The following PGR variants were observed in gnomAD, a reference collection of about 807,000 sequenced individuals.
The protein encoded by PGR is nuclear receptor subfamily 3 group C member 3.
Under a neutral mutation model 76.1 loss-of-function variants are expected in PGR, and 25 were observed. The observed-to-expected ratio is 0.33, with a 90% confidence interval of 0.24 to 0.46. The LOEUF (loss-of-function observed/expected upper bound fraction) is 0.46, where lower values mean the gene tolerates loss of function less well. Among genes scored for constraint, PGR ranks in the 20% least tolerant of loss-of-function variants. The probability of loss-of-function intolerance (pLI) is 1.00; values close to 1 mark genes in which losing one functional copy is unlikely to be tolerated. For synonymous variants in PGR, 579 were observed against 535.0 expected (o/e 1.08, Z -1.14); for missense variants, 1,172 against 1,225.3 (o/e 0.96, Z 0.65).
rs1264962038 is a variant in PGR at position 101,036,921 on chromosome 11, C to G, written c.*2195G>C. On this transcript the variant is annotated 3_prime_UTR_variant, in exon 8 of 8. Coordinates refer to ENST00000325455, the MANE Select transcript of PGR (RefSeq NM_000926.4). ...AAATGATCACAACATCAACTGTTCCCTGAGTCCATCACTTAAGCATAAAGG... is the reference window on the plus strand; with the variant it reads ...AAATGATCACAACATCAACTGTTCCGTGAGTCCATCACTTAAGCATAAAGG... 5.0e-6 allele frequency: 1 copy of G among 201,034 alleles called. No homozygotes were observed. Among genetic ancestry groups the G allele is most frequent in the Non-Finnish European group, 1.0e-5 (1 of 97,584 alleles). The allele number at this position is 201,034 out of a possible 1,614,324, so 12.5% of individuals were successfully genotyped here.
chr11:101,056,586 G>A (rs1860300811), intron 4 of PGR, among the ~76,000 whole-genome samples: 1 of 146,210 alleles, frequency 6.8e-6, no homozygotes, highest in Non-Finnish European at 1.5e-5. Context: ...GCTGCCGTGA[G>A]CTACAATCAT....
intron 2 of PGR, among the ~76,000 whole-genome samples, chr11:101,101,904 G>A (rs769737490): frequency 2.0e-5 from 3 of 152,106 alleles, no homozygotes; most frequent in Admixed American, 6.6e-5. Flanking sequence ...GAAGCTCTTT[G>A]GGCTTGTAGC....
intron 3 of PGR, among the ~76,000 whole-genome samples, chr11:101,085,565 C>T (rs1404399525): frequency 7.8e-6 from 1 of 128,110 alleles, no homozygotes; most frequent in Non-Finnish European, 1.7e-5. Context: ...AACAAACTAT[C>T]CCTAAAGCTA....
chr11:101,056,906 G>T (rs1267332510), intron 4 of PGR, among the ~76,000 whole-genome samples: 1 of 152,156 alleles, frequency 6.6e-6, no homozygotes, highest in Non-Finnish European at 1.5e-5. Flanking sequence ...TATGTTTGAT[G>T]ATTTATGCTG....
chr11:101,096,263 G>C (rs1477017357), intron 2 of PGR, among the ~76,000 whole-genome samples: 1 of 152,144 alleles, frequency 6.6e-6, no homozygotes, highest in East Asian at 1.9e-4. Flanking sequence ...CCTGTGACAG[G>C]CTGGAATGGC....
intron 3 of PGR, among the ~76,000 whole-genome samples, chr11:101,074,374 TG>T (rs753722716): frequency 1.3e-5 from 2 of 152,166 alleles, no homozygotes; most frequent in African/African-American, 2.4e-5. Flanking sequence ...AATATCATAA[TG>T]AATAGGCAAA....
At position 101,030,120 on chromosome 11, in the gene PGR, T is replaced by C. The variant is rs779450723; in HGVS notation, c.*8996A>G. On this transcript the variant is annotated 3_prime_UTR_variant, in exon 8 of 8. Coordinates refer to ENST00000325455, the MANE Select transcript of PGR (RefSeq NM_000926.4). ...TCTTTAAAAGTATAACTCTGGACAATGTACTTAGGGACCTACTACTTACTC... is the reference window on the plus strand; with the variant it reads ...TCTTTAAAAGTATAACTCTGGACAACGTACTTAGGGACCTACTACTTACTC... The C allele has an allele frequency of 7.3e-5, 16 of 219,664 alleles. No homozygotes were observed. The highest frequency in any genetic ancestry group is 1.5e-4 in the Non-Finnish European group (16 of 109,612). The allele number at this position is 219,664 out of a possible 1,614,324, so 13.6% of individuals were successfully genotyped here. A position where few individuals can be genotyped will look rare whatever the true frequency, so the allele number is the denominator to read the frequency against.
At position 101,128,212 on chromosome 11, in the gene PGR, C is replaced by G. The variant is rs775608193; in HGVS notation, c.859G>C (p.Ala287Pro). The G allele has an allele frequency of 6.3e-7, 1 of 1,598,218 alleles. No homozygotes were observed. The highest frequency in any genetic ancestry group is 8.5e-7 in the Non-Finnish European group (1 of 1,179,398). ...APRVALVEQD[A>P]PMAPGRSPLA... ...GGGGAGCGCCCGGGCGCCATCGGCG[C>G]GTCCTGCTCCACCAGGGCGACCCTG... Residue 287 changes from alanine to proline, a missense_variant, in exon 1 of 8, where the codon GCG becomes CCG. Physicochemically the swap from Ala to Pro is conservative, Grantham distance 27 (BLOSUM62 -1). Around this residue, in one of 4 missense-constraint regions of PGR, gnomAD observed 893 missense variants for 785.9 expected, o/e 1.14. Transcript: ENST00000325455.
At position 101,035,740 on chromosome 11, in the gene PGR, A is replaced by AT. The variant is rs1389401427; in HGVS notation, c.*3375dup. 12 of 231,960 alleles carry AT rather than the reference A, an allele frequency of 5.2e-5. No individual in the cohort carries two copies. Among genetic ancestry groups the AT allele is most frequent in the Admixed American group, 1.7e-4 (3 of 17,738 alleles). The allele number at this position is 231,960 out of a possible 1,614,324, so 14.4% of individuals were successfully genotyped here. ...ACAGGCCCTAAACTCAAAACACTGT[A>AT]TTTTTTCAGCAGAAGAAATTACTTG... On this transcript the variant is annotated 3_prime_UTR_variant, in exon 8 of 8. Transcript: ENST00000325455.
At chr11:101,082,111 G>C (rs1192080504) in intron 3 of PGR, among the ~76,000 whole-genome samples, 3 of 150,922 alleles carry the variant, frequency 2.0e-5, no homozygotes, top group African/African-American at 7.3e-5. Flanking sequence ...AAAAGTGGTG[G>C]CACTTCCCCT....
At chr11:101,082,870 C>CAA (rs1376050345) in intron 3 of PGR, among the ~76,000 whole-genome samples, 1 of 151,950 alleles carries the variant, frequency 6.6e-6, no homozygotes, top group African/African-American at 2.4e-5. Context: ...AAGAGAGAGA[C>CAA]AAAAAAACAT....
At chr11:101,051,845 A>G (rs944057827) in intron 4 of PGR, among the ~76,000 whole-genome samples, 1 of 152,130 alleles carries the variant, frequency 6.6e-6, no homozygotes, top group Non-Finnish European at 1.5e-5. Flanking sequence ...TGCAACACCC[A>G]TTTAATAAGA....
intron 2 of PGR, 118 bp downstream of exon 2, chr11:101,125,889 T>G: frequency 1.1e-6 from 1 of 870,472 alleles, no homozygotes; most frequent in South Asian, 1.6e-5. Context: ...TATTTTAAAT[T>G]ATATGGAAAT....
chr11:101,070,612 G>A lies in PGR; in HGVS notation c.1907-7860C>T, dbSNP rs367590713. On this transcript the variant is annotated intron_variant, in intron 3 of 7. Transcript: ENST00000325455. ...GCTGCCAGCACAGCAGTGTGAAGTCGACCTGGGACGCTGGAGCATGGTGGT... is the reference window on the plus strand; with the variant it reads ...GCTGCCAGCACAGCAGTGTGAAGTCAACCTGGGACGCTGGAGCATGGTGGT... 4.6e-5 allele frequency among the ~76,000 whole-genome samples: 7 copies of A among 152,316 alleles called. No homozygotes were observed. In the East Asian group the frequency reaches 7.7e-4, roughly 17 times the overall value.
In PGR at chr11:101,030,613, TGAG is replaced by T; in HGVS notation, c.*8500_*8502del. ...TCAGTTGGAGGCAGGCATATTGCTCTGAGGAGAATTGGAATTGTTATAGCGGAA... is the reference window on the plus strand; with the variant it reads ...TCAGTTGGAGGCAGGCATATTGCTCTGAGAATTGGAATTGTTATAGCGGAA... On this transcript the variant is annotated 3_prime_UTR_variant, in exon 8 of 8. Coordinates refer to ENST00000325455, the MANE Select transcript of PGR (RefSeq NM_000926.4). 1 of 219,106 alleles carries T rather than the reference TGAG, an allele frequency of 4.6e-6. No individual in the cohort carries two copies. The highest frequency in any genetic ancestry group is 9.2e-6 in the Non-Finnish European group (1 of 109,192). The allele number at this position is 219,106 out of a possible 1,614,324, so 13.6% of individuals were successfully genotyped here. A position where few individuals can be genotyped will look rare whatever the true frequency, so the allele number is the denominator to read the frequency against.
At position 101,129,098 on chromosome 11, in the gene PGR, C is replaced by T. The variant is rs1228436466; in HGVS notation, c.-28G>A. ...CGACTGGACTCCCCTTTTCTCCTCC[C>T]CCGTCTCCAGGAGGAGGGAAAAGGG... On this transcript the variant is annotated 5_prime_UTR_variant, in exon 1 of 8. Transcript: ENST00000325455. 1.5e-6 allele frequency: 2 copies of T among 1,376,442 alleles called. No homozygotes were observed. Among genetic ancestry groups the T allele is most frequent in the South Asian group, 1.3e-5 (1 of 75,470 alleles). 85.3% of individuals were successfully genotyped at this position (1,376,442 alleles called of 1,614,324 possible).
At chr11:101,095,387 T>C (rs1861804010) in intron 2 of PGR, among the ~76,000 whole-genome samples, 1 of 152,090 alleles carries the variant, frequency 6.6e-6, no homozygotes, top group African/African-American at 2.4e-5. Flanking sequence ...TATCCACAAA[T>C]AAAAATAATA....
Sources: gnomAD v4.1 joint callset for allele counts (sites outside exome capture counted in the v4.1 genomes callset) on GRCh38, gnomAD v4.1.1 for gene constraint, gnomAD v4.1.1 regional missense constraint, MANE v1.5 for transcripts, NCBI Gene and HGNC (gene_info 2026-07-23, HGNC 2026-07-21) for gene names.